STXBP5L: variants seen among roughly 807,000 people sequenced by gnomAD.
STXBP5L encodes syntaxin binding protein 5L.
A neutral mutation model predicts 144.5 loss-of-function variants in STXBP5L; 65 were observed. The observed-to-expected ratio is 0.45, with a 90% CI of 0.37 to 0.55. The LOEUF is 0.55. Ranked by LOEUF, STXBP5L falls within the 20% of genes least tolerant of loss-of-function variation. The pLI is 0.00. For missense variants in STXBP5L, 1,298 were observed against 1,405.5 expected (o/e 0.92, Z 1.22); for synonymous variants, 505 against 469.6 (o/e 1.08, Z -0.97).
At chr3:121,045,562 C>T (rs777889550) in intron 5 of STXBP5L, 27 bp downstream of exon 5, 1 of 1,581,206 alleles carries the variant, frequency 6.3e-7, no homozygotes, top group Non-Finnish European at 8.6e-7. Flanking sequence ...TAAACAATTT[C>T]TTAATGTACA....
At chr3:121,066,558 A>G (rs753789902) in intron 5 of STXBP5L, among the ~76,000 whole-genome samples, 1 of 152,064 alleles carries the variant, frequency 6.6e-6, no homozygotes, top group East Asian at 1.9e-4. Context: ...CCCAGAATAC[A>G]TACAAATTTT....
intron 3 of STXBP5L, among the ~76,000 whole-genome samples, chr3:120,985,650 A>G (rs1395143183): frequency 6.6e-6 from 1 of 151,872 alleles, no homozygotes; most frequent in African/African-American, 2.4e-5. Context: ...TAGTGTTGGT[A>G]GATTTTGTGT....
At chr3:121,167,289 T>C (rs2046534811) in intron 9 of STXBP5L, among the ~76,000 whole-genome samples, 1 of 152,212 alleles carries the variant, frequency 6.6e-6, no homozygotes, top group Non-Finnish European at 1.5e-5. Flanking sequence ...GCTTATGTGT[T>C]AATTCTGTTC....
chr3:121,067,484 A>G (rs2041603083), intron 5 of STXBP5L, among the ~76,000 whole-genome samples: 1 of 152,188 alleles, frequency 6.6e-6, no homozygotes, highest in Non-Finnish European at 1.5e-5. Flanking sequence ...TGGAAAGATC[A>G]TAGTATATGG....
intron 9 of STXBP5L, among the ~76,000 whole-genome samples, chr3:121,178,179 A>C (rs1373232303): frequency 6.6e-6 from 1 of 152,212 alleles, no homozygotes; most frequent in Non-Finnish European, 1.5e-5. Context: ...TAAGGAAGAC[A>C]AAAAGTTCTG....
At chr3:121,260,646 C>T (rs555283094) in intron 18 of STXBP5L, among the ~76,000 whole-genome samples, 4 of 151,972 alleles carry the variant, frequency 2.6e-5, no homozygotes, top group African/African-American at 7.2e-5. Flanking sequence ...GTGCCAATAC[C>T]GTTTCCTGAA....
At chr3:121,192,585 C>T (rs1012247780) in intron 9 of STXBP5L, among the ~76,000 whole-genome samples, 1 of 152,148 alleles carries the variant, frequency 6.6e-6, no homozygotes. Flanking sequence ...TACAAAGCTA[C>T]AGTAATCAAA....
intron 25 of STXBP5L, among the ~76,000 whole-genome samples, chr3:121,417,234 A>G (rs1470500149): frequency 6.6e-6 from 1 of 152,190 alleles, no homozygotes; most frequent in Non-Finnish European, 1.5e-5. Context: ...TATGTTCTGC[A>G]ATCAGATAGT....
chr3:121,047,416 C>A (rs1298019558), intron 5 of STXBP5L, among the ~76,000 whole-genome samples: 4 of 152,054 alleles, frequency 2.6e-5, no homozygotes, highest in Non-Finnish European at 5.9e-5. Context: ...TGTTAATTTT[C>A]TGACTGGATG....
At chr3:121,273,310 T>C (rs563385217) in intron 18 of STXBP5L, among the ~76,000 whole-genome samples, 2 of 152,048 alleles carry the variant, frequency 1.3e-5, no homozygotes, top group African/African-American at 2.4e-5. Flanking sequence ...TTTTTTTTTT[T>C]TCTTTTTGCG....
At chr3:121,044,879 G>A (rs1304082579) in intron 4 of STXBP5L, among the ~76,000 whole-genome samples, 1 of 151,978 alleles carries the variant, frequency 6.6e-6, no homozygotes, top group Non-Finnish European at 1.5e-5. Context: ...TTGGAGAAAT[G>A]TTTTCTTTTA....
chr3:121,053,859 C>A (rs1321668078), intron 5 of STXBP5L, among the ~76,000 whole-genome samples: 1 of 151,890 alleles, frequency 6.6e-6, no homozygotes, highest in Non-Finnish European at 1.5e-5. Context: ...GGCTAATATC[C>A]AGAATCTACA....
intron 21 of STXBP5L, among the ~76,000 whole-genome samples, chr3:121,380,697 T>A (rs1005045872): frequency 6.6e-6 from 1 of 152,106 alleles, no homozygotes; most frequent in Non-Finnish European, 1.5e-5. Context: ...AAGTTAGGAC[T>A]GCATTTGAAT....
intron 3 of STXBP5L, among the ~76,000 whole-genome samples, chr3:121,036,255 C>T (rs750923699): frequency 3.3e-5 from 5 of 152,084 alleles, no homozygotes; most frequent in African/African-American, 4.8e-5. Context: ...ATCGCTTGAA[C>T]CCAGGAGGCA....
intron 3 of STXBP5L, among the ~76,000 whole-genome samples, chr3:120,978,031 G>T (rs967198001): frequency 2.0e-5 from 3 of 152,148 alleles, no homozygotes; most frequent in Non-Finnish European, 4.4e-5. Flanking sequence ...TCTTGGAGTT[G>T]CTCTTCTCAA....
intron 5 of STXBP5L, among the ~76,000 whole-genome samples, chr3:121,074,721 T>A (rs12186056): frequency 0.064 from 9,668 of 152,194 alleles, 422 homozygotes; most frequent in Non-Finnish European, 0.094. Flanking sequence ...ACAGTAGGGG[T>A]CATTATCATG....
At chr3:121,075,852 T>C (rs1445215426) in intron 5 of STXBP5L, among the ~76,000 whole-genome samples, 2 of 152,220 alleles carry the variant, frequency 1.3e-5, no homozygotes, top group Admixed American at 6.5e-5. Context: ...GCCTGATATC[T>C]CCTGTGCCTG....
rs528509205 is a variant in STXBP5L, at chr3:121,261,577, G to T, written c.1958+2409G>T. On this transcript the variant is annotated intron_variant, in intron 18 of 26. Coordinates refer to ENST00000471454, the MANE Select transcript of STXBP5L (RefSeq NM_001308330.2). ...AAGATAACATATCATAACCAAGTTT[G>T]GTTTACACCAGGAATTCAAAGTTTT... 9.9e-5 allele frequency among the ~76,000 whole-genome samples: 15 copies of T among 152,146 alleles called. 1 individual carries two copies. The South Asian group carries it at 2.9e-3, about 29-fold the overall frequency.
chr3:121,321,986 C>A (rs1310472948), intron 20 of STXBP5L, among the ~76,000 whole-genome samples: 1 of 152,168 alleles, frequency 6.6e-6, no homozygotes, highest in African/African-American at 2.4e-5. Context: ...AGTTAGTTTA[C>A]CAACCCTACT....
Sources: allele counts gnomAD v4.1 joint callset (sites outside exome capture counted in the v4.1 genomes callset), GRCh38; gene constraint gnomAD v4.1.1; transcripts MANE v1.5; gene names NCBI Gene and HGNC (gene_info 2026-07-23, HGNC 2026-07-21).